Variants in BTBD1 observed in about 807,000 individuals in gnomAD.
BTBD1 encodes BTB domain containing 1, also known as BTB/POZ domain-containing protein 1.
BTBD1 carries 34 observed loss-of-function variants against 48.0 expected under a neutral mutation model. That is an observed-to-expected ratio of 0.71 (90% CI 0.54 to 0.94). BTBD1 has a LOEUF of 0.94. BTBD1 is among the 40% of genes least tolerant of loss of function. The probability of loss-of-function intolerance (pLI) is 0.00; values close to 1 mark genes in which losing one functional copy is unlikely to be tolerated. For synonymous variants in BTBD1, 261 were observed against 242.1 expected (o/e 1.08, Z -0.72); for missense variants, 543 against 625.6 (o/e 0.87, Z 1.41).
intron 4 of BTBD1, among the ~76,000 whole-genome samples, chr15:83,040,139 C>G (rs375641982): frequency 2.0e-4 from 30 of 152,224 alleles, no homozygotes; most frequent in African/African-American, 6.3e-4. Flanking sequence ...AACAGTAAAC[C>G]AAATACCGTA....
chr15:83,056,286 T>G (rs2033080062), intron 2 of BTBD1, 103 bp downstream of exon 2: 2 of 719,706 alleles, frequency 2.8e-6, no homozygotes, highest in Non-Finnish European at 4.4e-6. Flanking sequence ...TTTATATACT[T>G]TAAAATTATA....
intron 5 of BTBD1, among the ~76,000 whole-genome samples, chr15:83,021,437 T>C (rs1410826851): frequency 6.6e-6 from 1 of 152,134 alleles, no homozygotes; most frequent in Non-Finnish European, 1.5e-5. Flanking sequence ...ATTTTGTAAA[T>C]GAATAAAAAC....
At chr15:83,031,246 T>A (rs2032509442) in intron 4 of BTBD1, among the ~76,000 whole-genome samples, 1 of 152,224 alleles carries the variant, frequency 6.6e-6, no homozygotes, top group Non-Finnish European at 1.5e-5. Context: ...GGTATCTCAT[T>A]GTGGTTTTGA....
At position 83,060,954 on chromosome 15, in the gene BTBD1, T is replaced by C. The variant is rs187845103; in HGVS notation, c.402-4409A>G. Among the ~76,000 whole-genome samples, 44 of 152,354 alleles carry C rather than the reference T, an allele frequency of 2.9e-4. No individual in the cohort carries two copies. In the East Asian group the frequency reaches 5.8e-3, roughly 20 times the overall value. On this transcript the variant is annotated intron_variant, in intron 1 of 7. Transcript: ENST00000261721. ...TATTGAGGGACTATATAGCAGGCACTGTAATAGTGCTAGAGATAAAAATAT... is the reference window on the plus strand; with the variant it reads ...TATTGAGGGACTATATAGCAGGCACCGTAATAGTGCTAGAGATAAAAATAT...
At chr15:83,061,198 G>A (rs567122733) in intron 1 of BTBD1, among the ~76,000 whole-genome samples, 4 of 152,298 alleles carry the variant, frequency 2.6e-5, no homozygotes, top group Admixed American at 6.5e-5. Context: ...GGATGTTACT[G>A]TACTGAATAC....
At chr15:83,051,731 TG>T (rs1257070221) in intron 2 of BTBD1, among the ~76,000 whole-genome samples, 1 of 151,986 alleles carries the variant, frequency 6.6e-6, no homozygotes, top group Non-Finnish European at 1.5e-5. Context: ...GCACCTTTTT[TG>T]TTTAGACACA....
chr15:83,037,614 C>G (rs2032654689), intron 4 of BTBD1, among the ~76,000 whole-genome samples: 1 of 152,132 alleles, frequency 6.6e-6, no homozygotes, highest in Non-Finnish European at 1.5e-5. Context: ...AGGCATTCAC[C>G]TTGAAATTAG....
intron 7 of BTBD1, 106 bp from the exon 8 acceptor site, chr15:83,018,331 T>A: frequency 1.0e-6 from 1 of 971,804 alleles, no homozygotes; most frequent in Non-Finnish European, 1.4e-6. Flanking sequence ...CTATCATTCC[T>A]ATATAAAATT....
At position 83,067,134 on chromosome 15, in the gene BTBD1, A is replaced by C. The variant is rs779887223; in HGVS notation, c.18T>G (p.Pro6=). 6.9e-7 allele frequency: 1 copy of C among 1,441,298 alleles called. No individual in the cohort carries two copies. Among genetic ancestry groups the C allele is most frequent in the Non-Finnish European group, 9.0e-7 (1 of 1,104,998 alleles). 89.3% of individuals were successfully genotyped at this position (1,441,298 alleles called of 1,614,324 possible). A position where few individuals can be genotyped will look rare whatever the true frequency, so the allele number is the denominator to read the frequency against. The change falls in exon 1 of 8, where the codon CCT becomes CCG. Residue 6 remains proline (P), a synonymous_variant. Transcript: ENST00000261721. ...CCGACGCCTGCTCCCCAGCTGCGGC[A>C]GGCCCGAGTGAGGCCATCCTCCAGC... MASLG[P]AAAGEQASGA... is the part of the protein sequence containing the mutation.
At position 83,056,467 on chromosome 15, in the gene BTBD1, G is replaced by T. The variant is rs1371168074; in HGVS notation, c.480C>A (p.Val160=). The change falls in exon 2 of 8, where the codon GTC becomes GTA. Residue 160 remains valine (V), a synonymous_variant. Coordinates refer to ENST00000261721, the MANE Select transcript of BTBD1 (RefSeq NM_025238.4). ...TTLYTAKKYA[V]PALEAHCVEF... is the part of the protein sequence containing the mutation. ...CTACACAGTGTGCTTCCAAGGCTGGGACTGCGTATTTCTTGGCAGTATAAA... is the reference window on the plus strand; with the variant it reads ...CTACACAGTGTGCTTCCAAGGCTGGTACTGCGTATTTCTTGGCAGTATAAA... 1.2e-5 allele frequency: 19 copies of T among 1,612,592 alleles called. No homozygotes were observed. Among genetic ancestry groups the T allele is most frequent in the African/African-American group, 1.3e-5 (1 of 74,866 alleles).
chr15:83,035,210 T>C (rs1038393446), intron 4 of BTBD1, among the ~76,000 whole-genome samples: 1 of 151,874 alleles, frequency 6.6e-6, no homozygotes, highest in African/African-American at 2.4e-5. Flanking sequence ...AGGAGAATCG[T>C]TGGACCCCAG....
In BTBD1 at chr15:83,067,209, C is replaced by T. The variant is rs907781679; in HGVS notation, c.-58G>A. The T allele has an allele frequency of 1.0e-5, 14 of 1,337,472 alleles. No individual in the cohort carries two copies. Among genetic ancestry groups the T allele is most frequent in the Non-Finnish European group, 1.2e-5 (13 of 1,045,424 alleles). The allele number at this position is 1,337,472 out of a possible 1,614,324, so 82.9% of individuals were successfully genotyped here. On this transcript the variant is annotated 5_prime_UTR_variant, in exon 1 of 8. Transcript: ENST00000261721. ...AAAACTCCGCCGCCATCGCCCAGGC[C>T]GCCTCCGGAGGCCGGCGCTGCCTCC...
In BTBD1 at chr15:83,018,773, C is replaced by T. The variant is rs1359681820; in HGVS notation, c.1224G>A (p.Arg408=). 1 of 1,614,052 alleles carries T rather than the reference C, an allele frequency of 6.2e-7. No individual in the cohort carries two copies. Among genetic ancestry groups the T allele is most frequent in the East Asian group, 2.2e-5 (1 of 44,878 alleles). Residue 408 remains arginine, a synonymous_variant, in exon 7 of 8, where the codon AGG becomes AGA. Coordinates refer to ENST00000261721, the MANE Select transcript of BTBD1 (RefSeq NM_025238.4). ...TCTCTATGGGTTCCTTGAACATGAC[C>T]CTGAATGTGTTAGCTGTCCCATCAC... The part of the protein sequence containing the change: ...FSCDGTANTF[R]VMFKEPIEIL...
At chr15:83,052,232 G>A (rs1015934264) in intron 2 of BTBD1, among the ~76,000 whole-genome samples, 1 of 152,104 alleles carries the variant, frequency 6.6e-6, no homozygotes, top group East Asian at 1.9e-4. Context: ...ACAAGCATGG[G>A]CCACCGTGCT....
At chr15:83,018,313 A>G (rs958990764) in intron 7 of BTBD1, 88 bp from the exon 8 acceptor site, 181 of 1,079,960 alleles carry the variant, frequency 1.7e-4, no homozygotes, top group Non-Finnish European at 2.3e-4. Flanking sequence ...ATGTTCCATT[A>G]TATTTCACTA....
chr15:83,048,779 T>C (rs1191363217), intron 3 of BTBD1, among the ~76,000 whole-genome samples: 1 of 152,180 alleles, frequency 6.6e-6, no homozygotes, highest in Non-Finnish European at 1.5e-5. Flanking sequence ...AGCTTCTAAA[T>C]AAAGACTCAA....
chr15:83,028,406 C>T (rs1351392367), intron 5 of BTBD1, among the ~76,000 whole-genome samples: 1 of 152,158 alleles, frequency 6.6e-6, no homozygotes, highest in Non-Finnish European at 1.5e-5. Flanking sequence ...TCTGTTTGGT[C>T]ATACAGTGTT....
intron 2 of BTBD1, among the ~76,000 whole-genome samples, chr15:83,054,746 G>A (rs1192193086): frequency 1.3e-5 from 2 of 151,986 alleles, no homozygotes; most frequent in Non-Finnish European, 2.9e-5. Flanking sequence ...ATTTTTAGTA[G>A]AGACGGGGTT....
At chr15:83,065,804 A>C (rs2033258349) in intron 1 of BTBD1, among the ~76,000 whole-genome samples, 1 of 152,072 alleles carries the variant, frequency 6.6e-6, no homozygotes, top group African/African-American at 2.4e-5. Flanking sequence ...CCAAACAATC[A>C]CCTTTTCATT....
Sources: gnomAD v4.1 joint callset for allele counts (sites outside exome capture counted in the v4.1 genomes callset) on GRCh38, gnomAD v4.1.1 for gene constraint, MANE v1.5 for transcripts, NCBI Gene and HGNC (gene_info 2026-07-23, HGNC 2026-07-21) for gene names.